RPS6KA1: variants seen among roughly 807,000 people sequenced by gnomAD.
RPS6KA1 encodes ribosomal protein S6 kinase alpha-1.
RPS6KA1 carries 48 observed loss-of-function variants against 91.3 expected under a neutral mutation model. That is an observed-to-expected ratio of 0.53 (90% CI 0.42 to 0.67). The LOEUF (loss-of-function observed/expected upper bound fraction) is 0.67, where lower values mean the gene tolerates loss of function less well. RPS6KA1 is among the 30% of genes least tolerant of loss of function. RPS6KA1 has a pLI of 0.00. For missense variants in RPS6KA1, 719 were observed against 960.5 expected (o/e 0.75, Z 3.32); for synonymous variants, 359 against 384.7 (o/e 0.93, Z 0.78).
At chr1:26,559,036 C>A (rs539754116) in intron 14 of RPS6KA1, 99 bp downstream of exon 14, 2 of 1,426,092 alleles carry the variant, frequency 1.4e-6, no homozygotes, top group Non-Finnish European at 1.9e-6. Context: ...TACCCTCATG[C>A]CACTGTGGGA....
chr1:26,561,175 T>A lies in RPS6KA1; in HGVS notation c.1431+41T>A. 2 of 1,531,180 alleles carry A rather than the reference T, an allele frequency of 1.3e-6. No homozygotes were observed. The highest frequency in any genetic ancestry group is 9.0e-7 in the Non-Finnish European group (1 of 1,105,770). The allele number at this position is 1,531,180 out of a possible 1,614,324, so 94.8% of individuals were successfully genotyped here. A position where few individuals can be genotyped will look rare whatever the true frequency, so the allele number is the denominator to read the frequency against. On this transcript the variant is annotated intron_variant, in intron 16 of 21. Coordinates refer to ENST00000374168, the MANE Select transcript of RPS6KA1 (RefSeq NM_002953.4). The surrounding 1 kb of genome is among the most constrained non-coding windows in gnomAD (Gnocchi z 5.7). ...TAAGACTGGGGTGGGGACCAGGAACTCAACTCTCAGGATTTGTCTCAGGAT... is the reference window on the plus strand; with the variant it reads ...TAAGACTGGGGTGGGGACCAGGAACACAACTCTCAGGATTTGTCTCAGGAT...
intron 1 of RPS6KA1, among the ~76,000 whole-genome samples, chr1:26,533,621 C>T (rs1378626351): frequency 6.6e-6 from 1 of 152,148 alleles, no homozygotes; most frequent in African/African-American, 2.4e-5. Flanking sequence ...AGAAGAATTG[C>T]TTGAACCCAG....
At position 26,561,153 on chromosome 1, in the gene RPS6KA1, G is replaced by A. The variant is rs2076151262; in HGVS notation, c.1431+19G>A. 1 of 1,598,320 alleles carries A rather than the reference G, an allele frequency of 6.3e-7. No homozygotes were observed. Among genetic ancestry groups the A allele is most frequent in the Non-Finnish European group, 8.6e-7 (1 of 1,166,004 alleles). ...GAAAGATGTGAGTGGGGGTCCTTAA[G>A]ACTGGGGTGGGGACCAGGAACTCAA... On this transcript the variant is annotated intron_variant, in intron 16 of 21. Transcript: ENST00000374168. The surrounding 1 kb of genome is among the most constrained non-coding windows in gnomAD (Gnocchi z 5.7).
chr1:26,557,739 G>A (rs1324527440), intron 13 of RPS6KA1, among the ~76,000 whole-genome samples: 7 of 148,258 alleles, frequency 4.7e-5, no homozygotes. Context: ...TTTTAGGAGA[G>A]GGTGTGCTTT....
Position 26,554,034 on chromosome 1 carries a change from A to G in RPS6KA1, c.576-180A>G. On this transcript the variant is annotated intron_variant, in intron 7 of 21. Transcript: ENST00000374168. The surrounding 1 kb of genome is among the most constrained non-coding windows in gnomAD (Gnocchi z 4.6). ...CACACAGTTGCTTCAAGGATTAGCA[A>G]AAAAGATAGGCAACACCCCTGCGTG... The G allele has an allele frequency of 5.1e-6, 3 of 588,558 alleles. No individual in the cohort carries two copies. The South Asian group carries it at 7.7e-5, about 15-fold the overall frequency. The allele number at this position is 588,558 out of a possible 1,614,324, so 36.5% of individuals were successfully genotyped here.
At chr1:26,556,839 G>C in intron 12 of RPS6KA1, 121 bp downstream of exon 12, 1 of 1,303,574 alleles carries the variant, frequency 7.7e-7, no homozygotes, top group Non-Finnish European at 1.1e-6. Flanking sequence ...GAGGGTCACA[G>C]CCTGCCCTTG....
chr1:26,559,423 G>A (rs1318498206), intron 14 of RPS6KA1, among the ~76,000 whole-genome samples: 7 of 152,052 alleles, frequency 4.6e-5, no homozygotes, highest in African/African-American at 1.7e-4. Flanking sequence ...CTGGAGTGCA[G>A]TGGCACAATC....
chr1:26,550,947 GCCGTT>G (rs2076044346), intron 4 of RPS6KA1, among the ~76,000 whole-genome samples: 1 of 152,154 alleles, frequency 6.6e-6, no homozygotes. Context: ...TCACCAGGTA[GCCGTT>G]CTTACCAGCC....
chr1:26,574,228 C>T lies in RPS6KA1; in HGVS notation c.*27C>T, dbSNP rs781294200. On this transcript the variant is annotated 3_prime_UTR_variant, in exon 22 of 22. Transcript: ENST00000374168. The surrounding 1 kb of genome is among the most constrained non-coding windows in gnomAD (Gnocchi z 4.3). ...GCACCAGGGCATTCGGGCCACAGGG[C>T]GGTGCTAGCTTGACACAGTCAGCAT... The T allele has an allele frequency of 9.3e-6, 15 of 1,613,390 alleles. No homozygotes were observed. The Middle Eastern group carries it at 4.9e-4, about 53-fold the overall frequency.
intron 13 of RPS6KA1, among the ~76,000 whole-genome samples, chr1:26,557,777 TCCTCCCCTCCCCTCC>T (rs1182098277): frequency 5.3e-5 from 3 of 56,874 alleles, no homozygotes; most frequent in East Asian, 3.1e-3. Flanking sequence ...CCCTCCCCTC[TCCTCCCCTCCCCTCC>T]CCTCCCCTCC....
intron 6 of RPS6KA1, among the ~76,000 whole-genome samples, chr1:26,552,373 C>T (rs1252442182): frequency 1.4e-4 from 15 of 103,944 alleles, no homozygotes; most frequent in Non-Finnish European, 1.7e-5. Flanking sequence ...GGCAACAGAG[C>T]GAGACTCTGT....
intron 1 of RPS6KA1, among the ~76,000 whole-genome samples, chr1:26,536,360 TG>T (rs1486113151): frequency 6.6e-6 from 1 of 152,084 alleles, no homozygotes; most frequent in Non-Finnish European, 1.5e-5. Flanking sequence ...AAGGCTGAAG[TG>T]GAGGCAGCAG....
chr1:26,573,989 C>A, intron 21 of RPS6KA1, 90 bp from the exon 22 acceptor site: 1 of 1,449,002 alleles, frequency 6.9e-7, no homozygotes, highest in Non-Finnish European at 9.4e-7. Flanking sequence ...CTGTGGAACA[C>A]TGAGAGGGGC....
At chr1:26,536,152 TAAAAAAAAAAAA>T (rs35238041) in intron 1 of RPS6KA1, among the ~76,000 whole-genome samples, 1 of 74,418 alleles carries the variant, frequency 1.3e-5, no homozygotes, top group South Asian at 5.3e-4. Flanking sequence ...AAACTCTGTC[TAAAAAAAAAAAA>T]AAAAAAAAAA....
intron 1 of RPS6KA1, among the ~76,000 whole-genome samples, chr1:26,530,346 C>T (rs144439191): frequency 1.4e-3 from 214 of 152,318 alleles, no homozygotes; most frequent in Middle Eastern, 0.014. Context: ...TGGGATTCTA[C>T]CAGAGACAGG....
At chr1:26,533,565 G>A (rs183859778) in intron 1 of RPS6KA1, among the ~76,000 whole-genome samples, 1 of 152,282 alleles carries the variant, frequency 6.6e-6, no homozygotes, top group Non-Finnish European at 1.5e-5. Context: ...AATTAGCCAG[G>A]TGTGGTGGTG....
At chr1:26,560,600 C>T in intron 14 of RPS6KA1, 126 bp from the exon 15 acceptor site, 1 of 1,233,356 alleles carries the variant, frequency 8.1e-7, no homozygotes, top group Admixed American at 2.1e-5. Flanking sequence ...ACATGGCCAA[C>T]ACTCTACCCC....
In RPS6KA1 at chr1:26,554,450, A is replaced by G; in HGVS notation, c.614-146A>G. ...CTCATTGTGTAACGTTGAGCAAGTC[A>G]CCTGACCTCTCTGGGCCTTAGCTTC... On this transcript the variant is annotated intron_variant, in intron 8 of 21. Transcript: ENST00000374168. This position sits in a 1 kb window ranked among gnomAD's most constrained non-coding sequence, Gnocchi z 4.6. 4 of 1,211,804 alleles carry G rather than the reference A, an allele frequency of 3.3e-6. No homozygotes were observed. Among genetic ancestry groups the G allele is most frequent in the Non-Finnish European group, 4.7e-6 (4 of 852,458 alleles). 75.1% of individuals were successfully genotyped at this position (1,211,804 alleles called of 1,614,324 possible). A position where few individuals can be genotyped will look rare whatever the true frequency, so the allele number is the denominator to read the frequency against.
chr1:26,532,392 G>A (rs551409481), intron 1 of RPS6KA1, among the ~76,000 whole-genome samples: 1 of 152,192 alleles, frequency 6.6e-6, no homozygotes, highest in African/African-American at 2.4e-5. Context: ...TCAGGCTTAT[G>A]TGTTAATATC....
Sources: allele counts gnomAD v4.1 joint callset (sites outside exome capture counted in the v4.1 genomes callset), GRCh38; gene constraint gnomAD v4.1.1; non-coding constraint Gnocchi (gnomAD v3.1); transcripts MANE v1.5; gene names NCBI Gene and HGNC (gene_info 2026-07-23, HGNC 2026-07-21).